Variants in FSTL5 observed in about 807,000 individuals in gnomAD.
FSTL5 encodes follistatin-related protein 5.
FSTL5 carries 62 observed loss-of-function variants against 89.1 expected under a neutral mutation model. The observed-to-expected ratio is 0.70, with a 90% CI of 0.57 to 0.86. The LOEUF (loss-of-function observed/expected upper bound fraction) is 0.86. Ranked by LOEUF, FSTL5 falls within the 40% of genes least tolerant of loss-of-function variation. FSTL5 has a pLI of 0.00. For missense variants in FSTL5, 1,057 were observed against 1,001.6 expected (o/e 1.06, Z -0.75); for synonymous variants, 383 against 346.2 (o/e 1.11, Z -1.18).
intron 4 of FSTL5, among the ~76,000 whole-genome samples, chr4:161,887,385 T>C (rs1012095833): frequency 5.3e-5 from 7 of 132,740 alleles, no homozygotes; most frequent in Non-Finnish European, 1.1e-4. Flanking sequence ...GTATTATCTC[T>C]ATCTATCATC....
chr4:161,639,836 A>G (rs1282914203), intron 7 of FSTL5, among the ~76,000 whole-genome samples: 1 of 152,134 alleles, frequency 6.6e-6, no homozygotes, highest in Non-Finnish European at 1.5e-5. Context: ...CGTGCTTCTG[A>G]TCCCACAGGT....
intron 15 of FSTL5, among the ~76,000 whole-genome samples, chr4:161,407,656 C>A (rs1382404193): frequency 6.6e-6 from 1 of 152,180 alleles, no homozygotes; most frequent in African/African-American, 2.4e-5. Context: ...AGCCAGGGAC[C>A]TTTTGGCATA....
At chr4:161,978,907 A>C (rs1735739149) in intron 3 of FSTL5, among the ~76,000 whole-genome samples, 1 of 152,160 alleles carries the variant, frequency 6.6e-6, no homozygotes, top group Admixed American at 6.5e-5. Context: ...GATTATTCTA[A>C]GTTTTATCAC....
intron 4 of FSTL5, among the ~76,000 whole-genome samples, chr4:161,811,315 G>C (rs1041178167): frequency 6.6e-6 from 1 of 152,132 alleles, no homozygotes; most frequent in Non-Finnish European, 1.5e-5. Context: ...CAAATCATAT[G>C]ACTTTTCTTT....
chr4:161,935,067 A>G (rs1734394394), intron 3 of FSTL5, among the ~76,000 whole-genome samples: 1 of 152,164 alleles, frequency 6.6e-6, no homozygotes. Flanking sequence ...AAATCTCATA[A>G]CTATATTTCA....
chr4:161,995,836 TGAG>T (rs1560959622), intron 3 of FSTL5, among the ~76,000 whole-genome samples: 7 of 151,798 alleles, frequency 4.6e-5, no homozygotes, highest in African/African-American at 1.7e-4. Context: ...ACTGCTTCTC[TGAG>T]TTAACTAAGA....
intron 4 of FSTL5, among the ~76,000 whole-genome samples, chr4:161,791,131 ACT>A (rs1227562695): frequency 6.6e-6 from 1 of 152,126 alleles, no homozygotes; most frequent in Non-Finnish European, 1.5e-5. Flanking sequence ...AAAATTTAGC[ACT>A]TAATTTGTGA....
At chr4:161,969,376 G>A (rs1283225351) in intron 3 of FSTL5, among the ~76,000 whole-genome samples, 4 of 152,042 alleles carry the variant, frequency 2.6e-5, no homozygotes, top group African/African-American at 9.7e-5. Context: ...AACAAAAAGT[G>A]CAAATTAAGA....
intron 6 of FSTL5, among the ~76,000 whole-genome samples, chr4:161,742,124 A>T (rs1038886728): frequency 6.6e-6 from 1 of 152,176 alleles, no homozygotes; most frequent in South Asian, 2.1e-4. Context: ...AAAAAAGAAA[A>T]AACAATGCAA....
chr4:161,549,515 C>T (rs1035625304), intron 8 of FSTL5, among the ~76,000 whole-genome samples: 1 of 151,858 alleles, frequency 6.6e-6, no homozygotes. Context: ...ATGTATGTTA[C>T]AGGCTTACCA....
intron 1 of FSTL5, among the ~76,000 whole-genome samples, chr4:162,148,671 G>A (rs1390254428): frequency 6.6e-6 from 1 of 152,226 alleles, no homozygotes; most frequent in African/African-American, 2.4e-5. Context: ...CCCTCAAAAA[G>A]ATTATTGTGT....
chr4:161,829,893 C>G (rs1488356675), intron 4 of FSTL5, among the ~76,000 whole-genome samples: 3 of 152,004 alleles, frequency 2.0e-5, no homozygotes, highest in African/African-American at 7.2e-5. Flanking sequence ...AAGGAACAAA[C>G]ACATTTTGCA....
intron 7 of FSTL5, among the ~76,000 whole-genome samples, chr4:161,628,382 T>C (rs1735383401): frequency 1.3e-5 from 2 of 152,174 alleles, no homozygotes; most frequent in Admixed American, 6.5e-5. Context: ...CTGATTAGTC[T>C]AAAGGTCTTA....
chr4:161,582,240 G>T (rs1428045856), intron 8 of FSTL5, among the ~76,000 whole-genome samples: 1 of 152,122 alleles, frequency 6.6e-6, no homozygotes, highest in Non-Finnish European at 1.5e-5. Flanking sequence ...ATTATGAATT[G>T]ACAAATTGTT....
At chr4:162,013,496 G>A (rs185255033) in intron 3 of FSTL5, among the ~76,000 whole-genome samples, 58 of 152,300 alleles carry the variant, frequency 3.8e-4, no homozygotes, top group East Asian at 3.7e-3. Flanking sequence ...CCCCTGGGAA[G>A]GCAGAGCACA....
chr4:161,766,612 C>T (rs1362381149), intron 5 of FSTL5, among the ~76,000 whole-genome samples: 2 of 152,196 alleles, frequency 1.3e-5, no homozygotes, highest in Non-Finnish European at 2.9e-5. Context: ...TCAGAAAACT[C>T]TTTTGTCCTC....
chr4:161,707,203 A>T (rs537801236), intron 6 of FSTL5, among the ~76,000 whole-genome samples: 54 of 152,054 alleles, frequency 3.6e-4, no homozygotes, highest in African/African-American at 1.3e-3. Flanking sequence ...TAAGAATTAC[A>T]TGGTAGCATT....
rs139352506 is a variant in FSTL5 at position 161,569,462 on chromosome 4, G to C, written c.1015+17993C>G. On this transcript the variant is annotated intron_variant, in intron 8 of 15. Coordinates refer to ENST00000306100, the MANE Select transcript of FSTL5 (RefSeq NM_020116.5). ...TTTTAGAGAAATCAATTTCAAGGGT[G>C]GGGTAGAAAAACAACTCAAAGGAGG... Among the ~76,000 whole-genome samples, 671 of 152,124 alleles carry C rather than the reference G, an allele frequency of 4.4e-3. 3 individuals carry two copies. Among genetic ancestry groups the C allele is most frequent in the African/African-American group, 0.015 (632 of 41,524 alleles).
At chr4:162,091,179 C>T (rs1463234366) in intron 2 of FSTL5, among the ~76,000 whole-genome samples, 1 of 152,088 alleles carries the variant, frequency 6.6e-6, no homozygotes, top group Non-Finnish European at 1.5e-5. Flanking sequence ...AGCCACCCTG[C>T]CCCCTAAGAC....
Sources: allele counts gnomAD v4.1 joint callset (sites outside exome capture counted in the v4.1 genomes callset), GRCh38; gene constraint gnomAD v4.1.1; transcripts MANE v1.5; gene names NCBI Gene and HGNC (gene_info 2026-07-23, HGNC 2026-07-21).